The following EXOC5 variants were observed in gnomAD, a reference collection of about 807,000 sequenced individuals.
The protein encoded by EXOC5 is exocyst complex component 5, also known as SEC10-like 1.
Under a neutral mutation model 90.8 loss-of-function variants are expected in EXOC5, and 17 were observed. That is an observed-to-expected ratio of 0.19 (90% CI 0.13 to 0.28). The LOEUF (loss-of-function observed/expected upper bound fraction) is 0.28, where lower values mean the gene tolerates loss of function less well. Among genes scored for constraint, EXOC5 ranks in the 10% least tolerant of loss-of-function variants. EXOC5 has a pLI of 1.00. For synonymous variants in EXOC5, 260 were observed against 270.0 expected, an observed-to-expected ratio of 0.96 and a Z score of 0.36; for missense variants, 569 against 830.6, an observed-to-expected ratio of 0.69 and a Z score of 3.87.
chr14:57,238,148 T>C (rs748707480), intron 5 of EXOC5, among the ~76,000 whole-genome samples: 1 of 151,094 alleles, frequency 6.6e-6, no homozygotes, highest in Non-Finnish European at 1.5e-5. Flanking sequence ...GTAGATCAGA[T>C]CACATATAAG....
chr14:57,230,536 ACTCT>A (rs1472825101), intron 11 of EXOC5, among the ~76,000 whole-genome samples: 5 of 151,824 alleles, frequency 3.3e-5, no homozygotes, highest in African/African-American at 9.7e-5. Context: ...ACTAATTTTA[ACTCT>A]CTCTAATCAT....
intron 6 of EXOC5, among the ~76,000 whole-genome samples, chr14:57,237,036 A>G (rs1179076113): frequency 6.6e-6 from 1 of 152,178 alleles, no homozygotes; most frequent in African/African-American, 2.4e-5. Context: ...AATTATTTAA[A>G]AATAAATGAG....
chr14:57,237,442 T>C (rs564926670), intron 5 of EXOC5, 76 bp from the exon 6 acceptor site: 1 of 869,876 alleles, frequency 1.1e-6, no homozygotes. Context: ...GCTAACCAAA[T>C]GGGAAACTGG....
At chr14:57,253,101 A>C (rs1884241004) in intron 1 of EXOC5, among the ~76,000 whole-genome samples, 1 of 152,142 alleles carries the variant, frequency 6.6e-6, no homozygotes, top group African/African-American at 2.4e-5. Context: ...CATAGAAGTA[A>C]GAGTAGATTG....
At chr14:57,250,670 T>C (rs1489776266) in intron 1 of EXOC5, among the ~76,000 whole-genome samples, 1 of 152,130 alleles carries the variant, frequency 6.6e-6, no homozygotes, top group Non-Finnish European at 1.5e-5. Flanking sequence ...AGTGGTCATT[T>C]CTGCAGTCTA....
intron 12 of EXOC5, among the ~76,000 whole-genome samples, chr14:57,227,530 C>A (rs1883345971): frequency 2.0e-5 from 3 of 152,066 alleles, no homozygotes. Flanking sequence ...TAAGAAACTG[C>A]CAAATTAATC....
chr14:57,231,491 A>C lies in EXOC5; in HGVS notation c.1148+15T>G, dbSNP rs760851081. 2 of 1,565,436 alleles carry C rather than the reference A, an allele frequency of 1.3e-6. No individual in the cohort carries two copies. The highest frequency in any genetic ancestry group is 1.7e-6 in the Non-Finnish European group (2 of 1,149,942). On this transcript the variant is annotated intron_variant, in intron 11 of 17. Coordinates refer to ENST00000621441, the MANE Select transcript of EXOC5 (RefSeq NM_006544.4). ...GTCTTCAGTTTTAACAGAAGTATTTAACAAAAATACTCACCCTCCTGTGCC... is the reference window on the plus strand; with the variant it reads ...GTCTTCAGTTTTAACAGAAGTATTTCACAAAAATACTCACCCTCCTGTGCC...
chr14:57,234,472 T>C (rs1883589979), intron 7 of EXOC5, among the ~76,000 whole-genome samples: 1 of 149,534 alleles, frequency 6.7e-6, no homozygotes, highest in Non-Finnish European at 1.5e-5. Context: ...TTTATATACA[T>C]ATAAATATAT....
At chr14:57,268,292 A>G (rs575504118) in intron 1 of EXOC5, 2 of 509,154 alleles carry the variant, frequency 3.9e-6, no homozygotes, top group South Asian at 2.2e-5. Context: ...AGCCCTTCCC[A>G]CTACTCATCC....
intron 14 of EXOC5, among the ~76,000 whole-genome samples, chr14:57,218,626 T>A (rs1450447525): frequency 6.6e-6 from 1 of 152,092 alleles, no homozygotes; most frequent in African/African-American, 2.4e-5. Context: ...CTTTGTGGCA[T>A]AACAGCTCTT....
intron 12 of EXOC5, among the ~76,000 whole-genome samples, chr14:57,228,690 C>T (rs1883385916): frequency 7.2e-6 from 1 of 138,448 alleles, no homozygotes; most frequent in Non-Finnish European, 1.5e-5. Context: ...GAACATCACA[C>T]AGTGGGGCCT....
chr14:57,201,200 G>A lies in EXOC5; in HGVS notation c.*7409C>T, dbSNP rs1157264899. The A allele has an allele frequency of 6.6e-6, 1 of 152,010 alleles. No homozygotes were observed. The highest frequency in any genetic ancestry group is 2.4e-5 in the African/African-American group (1 of 41,378). The allele number at this position is 152,010 out of a possible 1,614,324, so 9.4% of individuals were successfully genotyped here. Reference sequence around the variant, plus strand: ...TGGAGGAATGGCTGATTCCAGAGCTGGGGCAAGGCAAGTACAAGATGACCT... The same window carrying A: ...TGGAGGAATGGCTGATTCCAGAGCTAGGGCAAGGCAAGTACAAGATGACCT... On this transcript the variant is annotated 3_prime_UTR_variant, in exon 18 of 18. Coordinates refer to ENST00000621441, the MANE Select transcript of EXOC5 (RefSeq NM_006544.4).
At chr14:57,224,428 G>A (rs984540316) in intron 12 of EXOC5, among the ~76,000 whole-genome samples, 3 of 152,118 alleles carry the variant, frequency 2.0e-5, no homozygotes, top group African/African-American at 7.2e-5. Flanking sequence ...AAAAGGATAA[G>A]AAAATATCAT....
In EXOC5 at chr14:57,233,886, A is replaced by G. The variant is rs1566731431; in HGVS notation, c.715-3T>C. The G allele has an allele frequency of 5.6e-6, 9 of 1,609,758 alleles. No individual in the cohort carries two copies. The highest frequency in any genetic ancestry group is 2.2e-5 in the South Asian group (2 of 90,698). On this transcript the variant is annotated splice_region_variant and splice_polypyrimidine_tract_variant and intron_variant, in intron 8 of 17. Transcript: ENST00000621441. ...ATATCATTTCTCAAATAAGCACCCT[A>G]AACAGCAGAGACATTTTATACAGTG...
intron 15 of EXOC5, among the ~76,000 whole-genome samples, chr14:57,212,897 T>C (rs886695153): frequency 3.3e-5 from 5 of 152,338 alleles, no homozygotes; most frequent in African/African-American, 1.2e-4. Context: ...ACTCTTTCGA[T>C]ACATAATCAA....
chr14:57,219,951 T>A (rs933391323), intron 13 of EXOC5, among the ~76,000 whole-genome samples: 1 of 152,142 alleles, frequency 6.6e-6, no homozygotes, highest in Non-Finnish European at 1.5e-5. Flanking sequence ...AAAAAGGGAA[T>A]CAAGCCACTC....
At chr14:57,262,745 G>GTATATATATA (rs1884552649) in intron 1 of EXOC5, among the ~76,000 whole-genome samples, 1 of 147,036 alleles carries the variant, frequency 6.8e-6, no homozygotes, top group African/African-American at 2.6e-5. Flanking sequence ...ATATATGTGT[G>GTATATATATA]TGTGTATATA....
chr14:57,221,593 T>C (rs1053383957), intron 13 of EXOC5, among the ~76,000 whole-genome samples: 10 of 152,148 alleles, frequency 6.6e-5, no homozygotes, highest in African/African-American at 2.2e-4. Context: ...TGCTGATGGA[T>C]TGGCTATCAG....
chr14:57,219,388 TG>T lies in EXOC5; in HGVS notation c.1459del (p.Gln487AsnfsTer21). 6.4e-7 allele frequency: 1 copy of T among 1,557,842 alleles called. No individual in the cohort carries two copies. On this transcript the variant is annotated frameshift_variant, in exon 14 of 18. Coordinates refer to ENST00000621441, the MANE Select transcript of EXOC5 (RefSeq NM_006544.4). LOFTEE classifies it high-confidence loss of function. ...AAGATGAAAAATAGTATTGGCCTGT[TG>T]CACAACGTCCAAAAAATAAAGATTT... ...NANLYFLDVVQQANTIFHLFD... is the reference protein window; with the variant it reads ...NANLYFLDVVXQANTIFHLFD...
Sources: allele counts gnomAD v4.1 joint callset (sites outside exome capture counted in the v4.1 genomes callset), GRCh38; gene constraint gnomAD v4.1.1; transcripts MANE v1.5; gene names NCBI Gene and HGNC (gene_info 2026-07-23, HGNC 2026-07-21).